Variants in BCKDHB observed in about 807,000 individuals in gnomAD.
BCKDHB encodes branched chain keto acid dehydrogenase E1 subunit beta.
BCKDHB carries 41 observed loss-of-function variants against 48.5 expected under a neutral mutation model. The ratio of observed to expected loss-of-function variants is 0.85; its 90% CI spans 0.66 to 1.10. The LOEUF is 1.10. BCKDHB is among the 50% of genes least tolerant of loss of function. BCKDHB has a pLI of 0.00. For synonymous variants in BCKDHB, 201 were observed against 174.8 expected (o/e 1.15, Z -1.18); for missense variants, 496 against 494.2 (o/e 1.00, Z -0.03).
chr6:80,404,421 C>T, the BCKDHB span, among the ~76,000 whole-genome samples: 1 of 150,986 alleles, frequency 6.6e-6, no homozygotes, highest in Non-Finnish European at 1.5e-5. Context: ...AATACCTCCT[C>T]TCTTATTTAT....
At chr6:80,371,141 G>A in the BCKDHB span, among the ~76,000 whole-genome samples, 1 of 151,852 alleles carries the variant, frequency 6.6e-6, no homozygotes. Context: ...CCACATCCAT[G>A]CCAACTTCTA....
intron 8 of BCKDHB, among the ~76,000 whole-genome samples, chr6:80,243,106 A>G (rs1776456248): frequency 6.6e-6 from 1 of 152,204 alleles, no homozygotes; most frequent in Non-Finnish European, 1.5e-5. Context: ...GAATCTAGTC[A>G]CTGAAAGACT....
the BCKDHB span, among the ~76,000 whole-genome samples, chr6:80,433,411 G>A: frequency 6.6e-6 from 1 of 152,138 alleles, no homozygotes; most frequent in Non-Finnish European, 1.5e-5. Context: ...CTGAGCTGCC[G>A]TTGGCTCCAC....
chr6:80,259,455 A>G (rs912519305), intron 8 of BCKDHB, among the ~76,000 whole-genome samples: 9 of 152,224 alleles, frequency 5.9e-5, no homozygotes, highest in Admixed American at 5.9e-4. Context: ...TCCTGGTTAC[A>G]TTTGAGGCTA....
the BCKDHB span, among the ~76,000 whole-genome samples, chr6:80,424,090 G>C: frequency 6.6e-6 from 1 of 152,164 alleles, no homozygotes; most frequent in Non-Finnish European, 1.5e-5. Context: ...AGAAACTATA[G>C]TTCTGCCAAC....
chr6:80,197,692 G>A (rs1163052360), intron 6 of BCKDHB, among the ~76,000 whole-genome samples: 3 of 152,206 alleles, frequency 2.0e-5, no homozygotes, highest in Non-Finnish European at 4.4e-5. Flanking sequence ...AAGATGGAAT[G>A]TGTACTGGCT....
intron 6 of BCKDHB, among the ~76,000 whole-genome samples, chr6:80,197,987 C>T (rs1208815114): frequency 6.6e-6 from 1 of 151,508 alleles, no homozygotes; most frequent in Non-Finnish European, 1.5e-5. Flanking sequence ...TCCGTCTATG[C>T]ATCTATCCAT....
the BCKDHB span, among the ~76,000 whole-genome samples, chr6:80,460,321 A>G: frequency 6.6e-5 from 10 of 152,162 alleles, no homozygotes; most frequent in Middle Eastern, 6.3e-3. Context: ...CGTGGAGAAA[A>G]CTTTTCTTAA....
At chr6:80,330,477 A>G (rs866193124) in intron 9 of BCKDHB, among the ~76,000 whole-genome samples, 1 of 152,298 alleles carries the variant, frequency 6.6e-6, no homozygotes, top group Middle Eastern at 3.4e-3. Context: ...CATGTCAGTC[A>G]TTGTACCTCT....
At chr6:80,228,275 A>G (rs1775764135) in intron 8 of BCKDHB, among the ~76,000 whole-genome samples, 1 of 152,204 alleles carries the variant, frequency 6.6e-6, no homozygotes, top group Admixed American at 6.5e-5. Flanking sequence ...AAATGCATGG[A>G]TAAAACCAAA....
At chr6:80,243,458 G>T (rs1776477145) in intron 8 of BCKDHB, among the ~76,000 whole-genome samples, 1 of 152,202 alleles carries the variant, frequency 6.6e-6, no homozygotes, top group African/African-American at 2.4e-5. Context: ...TTAAACTAAT[G>T]TCTGGATAAA....
chr6:80,257,340 T>TATACAC (rs773516647), intron 8 of BCKDHB, among the ~76,000 whole-genome samples: 1 of 149,992 alleles, frequency 6.7e-6, no homozygotes, highest in Non-Finnish European at 1.5e-5. Flanking sequence ...TATGTATCTA[T>TATACAC]ACACACACAC....
chr6:80,199,936 A>G (rs1056528905), intron 6 of BCKDHB, among the ~76,000 whole-genome samples: 3 of 150,652 alleles, frequency 2.0e-5, no homozygotes, highest in African/African-American at 7.3e-5. Flanking sequence ...GCCTGGCAGT[A>G]GTGGTGTGCA....
chr6:80,118,041 A>T (rs752883574), intron 1 of BCKDHB, among the ~76,000 whole-genome samples: 6 of 152,204 alleles, frequency 3.9e-5, no homozygotes, highest in Non-Finnish European at 5.9e-5. Flanking sequence ...TGTATGCAAT[A>T]GGAGAGTCAG....
chr6:80,226,116 G>GTTT (rs1351795236), intron 8 of BCKDHB, among the ~76,000 whole-genome samples: 1 of 152,180 alleles, frequency 6.6e-6, no homozygotes, highest in Non-Finnish European at 1.5e-5. Context: ...GGCAGTGAGA[G>GTTT]TTTTGATGGT....
At chr6:80,179,794 G>A (rs569748852) in intron 6 of BCKDHB, among the ~76,000 whole-genome samples, 5 of 152,252 alleles carry the variant, frequency 3.3e-5, no homozygotes, top group African/African-American at 1.2e-4. Context: ...ACAGGTAGGG[G>A]GTTTGGGAAC....
At chr6:80,284,483 TAAA>T (rs201349312) in intron 9 of BCKDHB, among the ~76,000 whole-genome samples, 1 of 53,826 alleles carries the variant, frequency 1.9e-5, no homozygotes, top group Non-Finnish European at 4.5e-5. Context: ...CAAGTTAACT[TAAA>T]AAGTGACTTT....
At chr6:80,369,650 G>A in the BCKDHB span, among the ~76,000 whole-genome samples, 2 of 152,156 alleles carry the variant, frequency 1.3e-5, no homozygotes, top group African/African-American at 4.8e-5. Context: ...TGCCTGCAAC[G>A]CCAAGGTAGA....
In BCKDHB at chr6:80,324,066, C is replaced by G. The variant is rs978255391; in HGVS notation, c.1039-19598C>G. 6.8e-4 allele frequency among the ~76,000 whole-genome samples: 104 copies of G among 152,250 alleles called. 1 individual carries two copies. The highest frequency in any genetic ancestry group is 2.4e-3 in the African/African-American group (101 of 41,532). On this transcript the variant is annotated intron_variant, in intron 9 of 9. Transcript: ENST00000320393. The stretch of plus-strand genomic sequence containing the variant: ...GGATTACAGGCGTGAGCCACCGTGC[C>G]CGGCCCAAAATTATTTTTTATATAT...
Sources: allele counts gnomAD v4.1 joint callset (sites outside exome capture counted in the v4.1 genomes callset), GRCh38; gene constraint gnomAD v4.1.1; transcripts MANE v1.5; gene names NCBI Gene and HGNC (gene_info 2026-07-23, HGNC 2026-07-21).